Variants in KDM4C observed in about 807,000 individuals in gnomAD.
KDM4C encodes lysine demethylase 4C.
Under a neutral mutation model 129.3 loss-of-function variants are expected in KDM4C, and 81 were observed. That is an observed-to-expected ratio of 0.63 (90% CI 0.52 to 0.75). The LOEUF is 0.75. Ranked by LOEUF, KDM4C falls within the 30% of genes least tolerant of loss-of-function variation. The pLI is 0.00. For missense variants in KDM4C, 1,457 were observed against 1,304.0 expected, an observed-to-expected ratio of 1.12 and a Z score of -1.81; for synonymous variants, 573 against 456.1, an observed-to-expected ratio of 1.26 and a Z score of -3.26.
chr9:6,903,349 ATTTCT>A (rs1817727437), intron 8 of KDM4C, among the ~76,000 whole-genome samples: 1 of 152,128 alleles, frequency 6.6e-6, no homozygotes, highest in African/African-American at 2.4e-5. Context: ...TTATATAATG[ATTTCT>A]TTTCTTTTTT....
intron 5 of KDM4C, among the ~76,000 whole-genome samples, chr9:6,862,330 G>A (rs1337806822): frequency 6.6e-6 from 1 of 152,156 alleles, no homozygotes; most frequent in Non-Finnish European, 1.5e-5. Context: ...GATTTTAACA[G>A]AAACATTTGA....
At chr9:7,051,410 A>T (rs965548905) in intron 17 of KDM4C, among the ~76,000 whole-genome samples, 1 of 152,152 alleles carries the variant, frequency 6.6e-6, no homozygotes, top group Admixed American at 6.6e-5. Context: ...CTCAGAGAGG[A>T]TGGCTTTGAA....
At chr9:6,892,972 T>C (rs925384562) in intron 7 of KDM4C, 123 bp from the exon 8 acceptor site, 1 of 645,446 alleles carries the variant, frequency 1.5e-6, no homozygotes, top group Non-Finnish European at 2.3e-6. Context: ...TGGAACTCTT[T>C]TTGGTAGTGC....
chr9:6,917,296 C>CT (rs1820493299), intron 8 of KDM4C, among the ~76,000 whole-genome samples: 1 of 152,198 alleles, frequency 6.6e-6, no homozygotes, highest in African/African-American at 2.4e-5. Context: ...CTCTCAAGCT[C>CT]TTTTTCTCCA....
chr9:6,930,164 C>T (rs1351104299), intron 8 of KDM4C, among the ~76,000 whole-genome samples: 1 of 152,182 alleles, frequency 6.6e-6, no homozygotes, highest in Non-Finnish European at 1.5e-5. Context: ...TAGCAGTCAG[C>T]AGTTCTCAAG....
At chr9:7,039,869 C>A (rs1828261516) in intron 15 of KDM4C, among the ~76,000 whole-genome samples, 1 of 152,020 alleles carries the variant, frequency 6.6e-6, no homozygotes, top group East Asian at 1.9e-4. Context: ...TGGCCCCATG[C>A]AGTTCAAGCT....
chr9:6,997,271 G>A (rs539505156), intron 12 of KDM4C, among the ~76,000 whole-genome samples: 2 of 152,302 alleles, frequency 1.3e-5, no homozygotes, highest in South Asian at 2.1e-4. Context: ...CAGAATGGGC[G>A]CAGAGCGATC....
chr9:6,893,786 C>T (rs1846440373), intron 8 of KDM4C, among the ~76,000 whole-genome samples: 1 of 152,144 alleles, frequency 6.6e-6, no homozygotes, highest in Non-Finnish European at 1.5e-5. Context: ...TTTGCATCTC[C>T]TGCCCAGTGT....
At position 7,156,002 on chromosome 9, in the gene KDM4C, A is replaced by G. The variant is rs142264626; in HGVS notation, c.2782-9236A>G. ...AGTGTAAAAGCGTTCCTATTTCTCC[A>G]CATCCTCTCCAGCATCTGTTGTTTC... On this transcript the variant is annotated intron_variant, in intron 19 of 21. Transcript: ENST00000381309. Among the ~76,000 whole-genome samples the G allele has an allele frequency of 0.023, 3,474 of 152,236 alleles. 258 individuals are homozygous for G. In the East Asian group the frequency reaches 0.26, roughly 12 times the overall value.
At chr9:7,047,270 C>A (rs1829538180) in intron 16 of KDM4C, among the ~76,000 whole-genome samples, 1 of 151,940 alleles carries the variant, frequency 6.6e-6, no homozygotes, top group Non-Finnish European at 1.5e-5. Context: ...CAGGGCATAC[C>A]TGAGAAAGTG....
intron 1 of KDM4C, among the ~76,000 whole-genome samples, chr9:6,781,074 G>C (rs1824237853): frequency 6.6e-6 from 1 of 152,090 alleles, no homozygotes; most frequent in Admixed American, 6.5e-5. Flanking sequence ...CTGCTCTCTA[G>C]TTCTGAGTCC....
intron 18 of KDM4C, among the ~76,000 whole-genome samples, chr9:7,114,006 A>T (rs1838623729): frequency 6.6e-6 from 1 of 152,216 alleles, no homozygotes; most frequent in Admixed American, 6.5e-5. Flanking sequence ...CCTGATAAAA[A>T]TACTGATGTG....
chr9:6,842,794 A>G (rs992287449), intron 4 of KDM4C, among the ~76,000 whole-genome samples: 1 of 151,714 alleles, frequency 6.6e-6, no homozygotes, highest in African/African-American at 2.4e-5. Context: ...CACCCCCAAT[A>G]CCCACGTTTT....
chr9:6,872,190 A>T (rs948094858), intron 5 of KDM4C, among the ~76,000 whole-genome samples: 2 of 152,180 alleles, frequency 1.3e-5, no homozygotes, highest in African/African-American at 2.4e-5. Flanking sequence ...GCAGTGAGGT[A>T]TGAAGGTTTT....
In KDM4C at chr9:7,011,829, A is replaced by G; in HGVS notation, c.1918A>G (p.Arg640Gly). The G allele has an allele frequency of 1.2e-6, 2 of 1,614,122 alleles. No homozygotes were observed. ...AEQEYNATVA[R>G]MKPHCAICTL... ...GCAAGAGTATAATGCAACAGTGGCC[A>G]GGATGAAGCCACACTGTGCCATCTG... The change falls in exon 13 of 22, where the codon AGG (arginine) becomes GGG (glycine). Residue 640 changes from arginine (R) to glycine (G), a missense_variant. By Grantham distance (125) the Arg-to-Gly change is moderately radical. Transcript: ENST00000381309.
At chr9:7,034,389 C>T (rs541412097) in intron 15 of KDM4C, among the ~76,000 whole-genome samples, 1 of 152,138 alleles carries the variant, frequency 6.6e-6, no homozygotes, top group South Asian at 2.1e-4. Context: ...CCTCTAGTAT[C>T]GTTTTACTTT....
chr9:7,074,321 G>A (rs1460942743), intron 17 of KDM4C, among the ~76,000 whole-genome samples: 4 of 152,062 alleles, frequency 2.6e-5, no homozygotes, highest in African/African-American at 9.7e-5. Context: ...GTGCCAACTT[G>A]CATGGCTAAT....
intron 17 of KDM4C, among the ~76,000 whole-genome samples, chr9:7,083,298 G>T (rs894566890): frequency 2.6e-5 from 4 of 152,220 alleles, no homozygotes; most frequent in Middle Eastern, 3.2e-3. Flanking sequence ...GGGCATTTCT[G>T]TTGAGTGTTT....
intron 5 of KDM4C, among the ~76,000 whole-genome samples, chr9:6,852,311 G>A (rs916216677): frequency 3.9e-5 from 6 of 152,174 alleles, no homozygotes; most frequent in African/African-American, 1.4e-4. Flanking sequence ...CTTAGGACAC[G>A]AGGGCCCAGT....
Sources: gnomAD v4.1 joint callset for allele counts (sites outside exome capture counted in the v4.1 genomes callset) on GRCh38, gnomAD v4.1.1 for gene constraint, MANE v1.5 for transcripts, NCBI Gene and HGNC (gene_info 2026-07-23, HGNC 2026-07-21) for gene names.